Variants in TECRL observed in about 807,000 individuals in gnomAD.
TECRL encodes the protein trans-2,3-enoyl-CoA reductase-like.
A neutral mutation model predicts 52.8 loss-of-function variants in TECRL; 63 were observed. The ratio of observed to expected loss-of-function variants is 1.19; its 90% CI spans 0.97 to 1.47. The LOEUF (loss-of-function observed/expected upper bound fraction) is 1.47, where lower values mean the gene tolerates loss of function less well. Among genes scored for constraint, TECRL ranks in the 40% most tolerant of loss-of-function variants. The pLI is 0.00. For missense variants in TECRL, 482 were observed against 429.6 expected, an observed-to-expected ratio of 1.12 and a Z score of -1.08; for synonymous variants, 164 against 141.9, an observed-to-expected ratio of 1.16 and a Z score of -1.10.
chr4:64,339,737 C>T (rs1366829594), intron 2 of TECRL, among the ~76,000 whole-genome samples: 1 of 152,066 alleles, frequency 6.6e-6, no homozygotes, highest in Non-Finnish European at 1.5e-5. Flanking sequence ...AAATGCACTA[C>T]CCCCAAACTA....
intron 1 of TECRL, among the ~76,000 whole-genome samples, chr4:64,380,534 G>C (rs995940041): frequency 1.3e-5 from 2 of 151,954 alleles, no homozygotes; most frequent in African/African-American, 4.8e-5. Flanking sequence ...ATGGTTTGGG[G>C]TCTTAGCATA....
chr4:64,299,971 T>C lies in TECRL; in HGVS notation c.774+3A>G, dbSNP rs1366957021. On this transcript the variant is annotated splice_donor_region_variant and intron_variant, in intron 8 of 11. Transcript: ENST00000381210. The stretch of plus-strand genomic sequence containing the variant: ...AATAGCAAAATATATATATGATACA[T>C]ACCAGAAAATTGATAGCAGATACTG... 4.5e-6 allele frequency: 7 copies of C among 1,569,878 alleles called. No individual in the cohort carries two copies. Among genetic ancestry groups the C allele is most frequent in the African/African-American group, 1.4e-5 (1 of 73,666 alleles).
At chr4:64,364,607 A>G (rs1721464242) in intron 2 of TECRL, among the ~76,000 whole-genome samples, 2 of 152,096 alleles carry the variant, frequency 1.3e-5, no homozygotes, top group African/African-American at 4.8e-5. Flanking sequence ...AAAGAAACTC[A>G]GAGACTATTA....
At chr4:64,407,709 G>A (rs1003012075) in intron 1 of TECRL, among the ~76,000 whole-genome samples, 4 of 151,438 alleles carry the variant, frequency 2.6e-5, no homozygotes, top group Non-Finnish European at 5.9e-5. Context: ...GTTTTTTCTT[G>A]TAAGATTTGT....
intron 2 of TECRL, among the ~76,000 whole-genome samples, chr4:64,340,694 G>T (rs1264369211): frequency 6.6e-6 from 1 of 152,216 alleles, no homozygotes; most frequent in Non-Finnish European, 1.5e-5. Flanking sequence ...AAGCAGACAG[G>T]CTCCTGGGCA....
intron 5 of TECRL, among the ~76,000 whole-genome samples, chr4:64,313,801 A>T: frequency 6.7e-6 from 1 of 149,002 alleles, no homozygotes. Context: ...TTTTTGTCAT[A>T]CTTCAAAATG....
chr4:64,348,899 C>T (rs1720180161), intron 2 of TECRL, among the ~76,000 whole-genome samples: 1 of 151,988 alleles, frequency 6.6e-6, no homozygotes, highest in African/African-American at 2.4e-5. Flanking sequence ...TGGAAGAGAT[C>T]CCTCCTCTTT....
At chr4:64,372,802 A>T (rs1218321584) in intron 2 of TECRL, among the ~76,000 whole-genome samples, 2 of 151,692 alleles carry the variant, frequency 1.3e-5, no homozygotes, top group East Asian at 3.8e-4. Flanking sequence ...CTGAAAACAA[A>T]CAATGTCAGA....
At chr4:64,317,580 TTTATCACTTGTAATA>T (rs1375813748) in intron 4 of TECRL, among the ~76,000 whole-genome samples, 4 of 152,222 alleles carry the variant, frequency 2.6e-5, no homozygotes, top group Non-Finnish European at 5.9e-5. Context: ...TTTGGGAGCA[TTTATCACTTGTAATA>T]CAGTAAGATC....
chr4:64,318,314 A>T (rs1717654208), intron 4 of TECRL, among the ~76,000 whole-genome samples: 1 of 152,152 alleles, frequency 6.6e-6, no homozygotes, highest in African/African-American at 2.4e-5. Flanking sequence ...AATGAAAGAT[A>T]AGGTTGAGAT....
intron 2 of TECRL, among the ~76,000 whole-genome samples, chr4:64,342,077 G>T (rs980151866): frequency 6.6e-6 from 1 of 152,122 alleles, no homozygotes; most frequent in Non-Finnish European, 1.5e-5. Context: ...TCAGGCAAAG[G>T]CATCACTAGC....
intron 8 of TECRL, among the ~76,000 whole-genome samples, chr4:64,292,978 G>A (rs1266397956): frequency 1.3e-5 from 2 of 151,952 alleles, no homozygotes; most frequent in South Asian, 2.1e-4. Flanking sequence ...ATGCGCAGGC[G>A]TGGCTTAAAG....
intron 2 of TECRL, 37 bp downstream of exon 2, chr4:64,375,135 A>G: frequency 9.4e-7 from 1 of 1,068,776 alleles, no homozygotes; most frequent in East Asian, 3.1e-5. Context: ...AAAATAAAAC[A>G]TTATGATGTA....
At chr4:64,356,113 C>T (rs1038062191) in intron 2 of TECRL, among the ~76,000 whole-genome samples, 11 of 152,110 alleles carry the variant, frequency 7.2e-5, no homozygotes, top group African/African-American at 2.7e-4. Flanking sequence ...AAGCAGTATG[C>T]TTGGTAAAAG....
At chr4:64,398,971 G>A (rs772352478) in intron 1 of TECRL, among the ~76,000 whole-genome samples, 1 of 152,158 alleles carries the variant, frequency 6.6e-6, no homozygotes, top group South Asian at 2.1e-4. Context: ...TTGTGCCCAT[G>A]CCCTAGGGAT....
chr4:64,388,755 A>T (rs1037896050), intron 1 of TECRL, among the ~76,000 whole-genome samples: 1 of 151,920 alleles, frequency 6.6e-6, no homozygotes, highest in Non-Finnish European at 1.5e-5. Flanking sequence ...TGTTAGATTT[A>T]TACCTAAGTA....
At chr4:64,277,251 G>T (rs897450549), downstream of TECRL, among the ~76,000 whole-genome samples, 1 of 151,812 alleles carries the variant, frequency 6.6e-6, no homozygotes, top group Non-Finnish European at 1.5e-5. Context: ...CCTTCTTCTA[G>T]TCCTACAAGA....
chr4:64,309,583 G>T (rs759387680), intron 6 of TECRL, among the ~76,000 whole-genome samples: 1 of 152,092 alleles, frequency 6.6e-6, no homozygotes, highest in Non-Finnish European at 1.5e-5. Flanking sequence ...AAAATTAAAA[G>T]ATTCCTAGGA....
At chr4:64,297,480 G>C (rs1037880919) in intron 8 of TECRL, among the ~76,000 whole-genome samples, 1 of 150,820 alleles carries the variant, frequency 6.6e-6, no homozygotes, top group Non-Finnish European at 1.5e-5. Flanking sequence ...GTCTTTTCTG[G>C]TTGAATTGCA....
Sources: allele counts gnomAD v4.1 joint callset (sites outside exome capture counted in the v4.1 genomes callset), GRCh38; gene constraint gnomAD v4.1.1; transcripts MANE v1.5; gene names NCBI Gene and HGNC (gene_info 2026-07-23, HGNC 2026-07-21).